Variants in SHISA9 observed in about 807,000 individuals in gnomAD.
SHISA9 encodes shisa family member 9.
SHISA9 carries 13 observed loss-of-function variants against 38.0 expected under a neutral mutation model. The ratio of observed to expected loss-of-function variants is 0.34; its 90% CI spans 0.22 to 0.54. The LOEUF is 0.54. Ranked by LOEUF, SHISA9 falls within the 20% of genes least tolerant of loss-of-function variation. The pLI, the probability that SHISA9 is intolerant of heterozygous loss-of-function variation, is 0.91. For missense variants in SHISA9, 538 were observed against 575.8 expected (o/e 0.93, Z 0.67); for synonymous variants, 275 against 242.0 (o/e 1.14, Z -1.27).
chr16:13,299,699 T>G, the SHISA9 span, among the ~76,000 whole-genome samples: 2 of 139,662 alleles, frequency 1.4e-5, no homozygotes, highest in Non-Finnish European at 3.1e-5. Context: ...GGCGACAGAG[T>G]GAGCCTCTGT....
intron 2 of SHISA9, among the ~76,000 whole-genome samples, chr16:13,013,430 GTGGC>G (rs1567181500): frequency 1.3e-5 from 2 of 152,180 alleles, no homozygotes. Context: ...CCTGGAACAT[GTGGC>G]TGGTGGCTCC....
chr16:13,099,500 C>T (rs1227936298), intron 2 of SHISA9, among the ~76,000 whole-genome samples: 2 of 152,052 alleles, frequency 1.3e-5, no homozygotes, highest in African/African-American at 4.8e-5. Context: ...GGGCCAACAT[C>T]ACTAAGAAGA....
chr16:13,148,156 C>T (rs1158030957), intron 2 of SHISA9, among the ~76,000 whole-genome samples: 1 of 152,156 alleles, frequency 6.6e-6, no homozygotes, highest in Non-Finnish European at 1.5e-5. Context: ...ACATGACCTT[C>T]GTGCCCTTCC....
chr16:13,213,181 G>A (rs575046531), intron 3 of SHISA9, 72 bp from the exon 4 acceptor site: 1 of 1,384,344 alleles, frequency 7.2e-7, no homozygotes, highest in African/African-American at 1.4e-5. Context: ...ACAGCACCTG[G>A]GTGTGAGGGC....
chr16:13,117,136 C>T (rs1286669720), intron 2 of SHISA9, among the ~76,000 whole-genome samples: 3 of 152,070 alleles, frequency 2.0e-5, no homozygotes, highest in East Asian at 1.9e-4. Context: ...CCACCACGCC[C>T]GGCTAATTTT....
chr16:13,160,482 C>T (rs923602716), intron 2 of SHISA9, among the ~76,000 whole-genome samples: 50 of 152,148 alleles, frequency 3.3e-4, no homozygotes, highest in Middle Eastern at 3.4e-3. Context: ...GGCCCTGGTC[C>T]CTTTGAGTTG....
At chr16:13,069,184 A>G (rs111209282) in intron 2 of SHISA9, among the ~76,000 whole-genome samples, 54 of 151,658 alleles carry the variant, frequency 3.6e-4, no homozygotes, top group Admixed American at 1.2e-3. Flanking sequence ...TGCAATGTGT[A>G]TATGTGTATA....
intron 2 of SHISA9, among the ~76,000 whole-genome samples, chr16:12,918,555 G>A (rs1054837361): frequency 2.0e-5 from 3 of 152,306 alleles, no homozygotes; most frequent in African/African-American, 2.4e-5. Context: ...TACATAAGGC[G>A]TTTTCATTGA....
At chr16:12,940,490 T>G (rs948253912) in intron 2 of SHISA9, among the ~76,000 whole-genome samples, 10 of 151,288 alleles carry the variant, frequency 6.6e-5, no homozygotes, top group Non-Finnish European at 1.3e-4. Flanking sequence ...AAAGTTTAAA[T>G]GTCAAGCCAA....
At chr16:13,267,862 T>A in the SHISA9 span, among the ~76,000 whole-genome samples, 1 of 147,992 alleles carries the variant, frequency 6.8e-6, no homozygotes, top group Non-Finnish European at 1.5e-5. Flanking sequence ...GGGGTTCTTT[T>A]CTTGTTTCTC....
the SHISA9 span, among the ~76,000 whole-genome samples, chr16:13,418,603 C>G: frequency 6.6e-6 from 1 of 152,116 alleles, no homozygotes; most frequent in Non-Finnish European, 1.5e-5. Flanking sequence ...AGACTCCTGC[C>G]CAGGCCCATG....
the SHISA9 span, among the ~76,000 whole-genome samples, chr16:13,374,004 G>A: frequency 6.6e-6 from 1 of 152,112 alleles, no homozygotes; most frequent in Non-Finnish European, 1.5e-5. Context: ...GATCACTTGG[G>A]GAAGAAAGGG....
At chr16:13,404,496 C>T in the SHISA9 span, among the ~76,000 whole-genome samples, 1 of 152,220 alleles carries the variant, frequency 6.6e-6, no homozygotes, top group Middle Eastern at 3.4e-3. Flanking sequence ...GGCAGAGATA[C>T]AGCACATGCA....
chr16:13,162,568 C>A (rs1005435673), intron 2 of SHISA9, among the ~76,000 whole-genome samples: 2 of 152,184 alleles, frequency 1.3e-5, no homozygotes, highest in African/African-American at 4.8e-5. Flanking sequence ...CTCATCCAAA[C>A]TCTCCTCTCT....
chr16:13,386,253 A>C, the SHISA9 span, among the ~76,000 whole-genome samples: 1 of 152,236 alleles, frequency 6.6e-6, no homozygotes, highest in Non-Finnish European at 1.5e-5. Flanking sequence ...TAAAGGGAGC[A>C]CAGGATCTTT....
chr16:13,410,316 T>G, the SHISA9 span, among the ~76,000 whole-genome samples: 1 of 152,220 alleles, frequency 6.6e-6, no homozygotes, highest in Non-Finnish European at 1.5e-5. Flanking sequence ...ATCAATAGTT[T>G]TATTATTATG....
the SHISA9 span, among the ~76,000 whole-genome samples, chr16:13,272,287 C>T: frequency 6.6e-6 from 1 of 152,154 alleles, no homozygotes; most frequent in East Asian, 1.9e-4. Flanking sequence ...AAAGCAGTTG[C>T]TGTTCTTTTT....
At chr16:13,024,377 G>T (rs2072895324) in intron 2 of SHISA9, among the ~76,000 whole-genome samples, 1 of 152,236 alleles carries the variant, frequency 6.6e-6, no homozygotes, top group Admixed American at 6.5e-5. Flanking sequence ...TGGAGCCCAG[G>T]TGCTGGACAG....
chr16:13,551,059 G>A, the SHISA9 span, among the ~76,000 whole-genome samples: 22 of 151,794 alleles, frequency 1.4e-4, no homozygotes, highest in African/African-American at 4.8e-4. Context: ...GGGAGGCGGA[G>A]GTTGCAGTGA....
Sources: gnomAD v4.1 joint callset for allele counts (sites outside exome capture counted in the v4.1 genomes callset) on GRCh38, gnomAD v4.1.1 for gene constraint, MANE v1.5 for transcripts, NCBI Gene and HGNC (gene_info 2026-07-23, HGNC 2026-07-21) for gene names.